Variants in CCDC148 observed in about 807,000 individuals in gnomAD.
CCDC148 encodes the protein coiled-coil domain containing 148, also known as coiled-coil domain-containing protein 148.
Under a neutral mutation model 85.7 loss-of-function variants are expected in CCDC148, and 89 were observed. That is an observed-to-expected ratio of 1.04 (90% CI 0.87 to 1.24). The LOEUF (loss-of-function observed/expected upper bound fraction) is 1.24, where lower values mean the gene tolerates loss of function less well. CCDC148 is among the 50% of genes most tolerant of loss of function. The pLI is 0.00. For synonymous variants in CCDC148, 230 were observed against 213.9 expected, an observed-to-expected ratio of 1.08 and a Z score of -0.66; for missense variants, 692 against 671.7, an observed-to-expected ratio of 1.03 and a Z score of -0.33.
chr2:158,438,853 C>T (rs1687795918), intron 1 of CCDC148, among the ~76,000 whole-genome samples: 1 of 152,156 alleles, frequency 6.6e-6, no homozygotes, highest in African/African-American at 2.4e-5. Context: ...GACATTTATG[C>T]AGCCAACAGA....
At chr2:158,273,920 C>T (rs570908146) in intron 9 of CCDC148, among the ~76,000 whole-genome samples, 62 of 152,264 alleles carry the variant, frequency 4.1e-4, no homozygotes, top group African/African-American at 1.4e-3. Flanking sequence ...CGTCAGCCAC[C>T]GATTCCCCAG....
chr2:158,382,647 A>G (rs1194684473), intron 1 of CCDC148, among the ~76,000 whole-genome samples: 1 of 152,160 alleles, frequency 6.6e-6, no homozygotes, highest in Non-Finnish European at 1.5e-5. Context: ...ACAGTGACTC[A>G]CGCCTGTAAT....
At chr2:158,358,337 A>G in intron 2 of CCDC148, 112 bp downstream of exon 2, 1 of 1,255,302 alleles carries the variant, frequency 8.0e-7, no homozygotes. Flanking sequence ...TCTACTTGGG[A>G]GTTTCTAACA....
chr2:158,282,493 C>A lies in CCDC148; in HGVS notation c.1110+26940G>T, dbSNP rs976556501. On this transcript the variant is annotated intron_variant, in intron 9 of 13. Transcript: ENST00000283233. ...TTCCCATACACCAATAACAGACCAA[C>A]AGAGAGCCAAATCATGAGTGAACTC... Among the ~76,000 whole-genome samples, 9 of 152,246 alleles carry A rather than the reference C, an allele frequency of 5.9e-5. No individual in the cohort carries two copies. The South Asian group carries it at 1.7e-3, about 28-fold the overall frequency.
chr2:158,409,937 A>T (rs576885048), intron 1 of CCDC148, among the ~76,000 whole-genome samples: 14 of 152,040 alleles, frequency 9.2e-5, no homozygotes, highest in African/African-American at 2.9e-4. Flanking sequence ...TTTATAAGAA[A>T]TCCCTTTCAC....
intron 1 of CCDC148, among the ~76,000 whole-genome samples, chr2:158,372,880 A>G (rs1684505464): frequency 6.6e-6 from 1 of 152,060 alleles, no homozygotes; most frequent in African/African-American, 2.4e-5. Context: ...GAGCATTCCC[A>G]AACCATTTGC....
intron 10 of CCDC148, among the ~76,000 whole-genome samples, chr2:158,246,846 C>A (rs1308637516): frequency 1.3e-5 from 2 of 152,170 alleles, no homozygotes; most frequent in Non-Finnish European, 2.9e-5. Flanking sequence ...AGGCTCACGG[C>A]ATAGTGTCCC....
intron 1 of CCDC148, among the ~76,000 whole-genome samples, chr2:158,417,911 C>T (rs1442298100): frequency 2.0e-5 from 3 of 152,086 alleles, no homozygotes; most frequent in Non-Finnish European, 4.4e-5. Flanking sequence ...GGATACTAAG[C>T]CAATTTTTGC....
chr2:158,263,855 AG>A (rs1417142767), intron 9 of CCDC148, among the ~76,000 whole-genome samples: 1 of 151,952 alleles, frequency 6.6e-6, no homozygotes, highest in African/African-American at 2.4e-5. Flanking sequence ...GATGCCTAGC[AG>A]GGGAAGGTGA....
intron 1 of CCDC148, among the ~76,000 whole-genome samples, chr2:158,399,574 CA>C (rs2105304760): frequency 6.6e-6 from 1 of 152,278 alleles, no homozygotes; most frequent in African/African-American, 2.4e-5. Flanking sequence ...CAAAATTCAA[CA>C]GCTTTTCATG....
intron 1 of CCDC148, among the ~76,000 whole-genome samples, chr2:158,390,941 A>C (rs534017389): frequency 6.6e-6 from 1 of 152,186 alleles, no homozygotes; most frequent in Non-Finnish European, 1.5e-5. Flanking sequence ...TCAGAGACTG[A>C]AAACCACTGC....
chr2:158,241,657 T>C (rs1300614277), intron 10 of CCDC148, among the ~76,000 whole-genome samples: 2 of 152,146 alleles, frequency 1.3e-5, no homozygotes, highest in Non-Finnish European at 2.9e-5. Context: ...CACAATCTTA[T>C]TGTGAATGTA....
chr2:158,188,639 C>G (rs1380787902), intron 11 of CCDC148, among the ~76,000 whole-genome samples: 1 of 151,898 alleles, frequency 6.6e-6, no homozygotes, highest in Non-Finnish European at 1.5e-5. Flanking sequence ...CTATAAAACT[C>G]ATAGAAGAAA....
At chr2:158,418,100 T>A (rs549491714) in intron 1 of CCDC148, among the ~76,000 whole-genome samples, 146 of 149,196 alleles carry the variant, frequency 9.8e-4, no homozygotes, top group Non-Finnish European at 1.6e-3. Flanking sequence ...CCTTGAGTGT[T>A]TTTTTTTTTA....
intron 2 of CCDC148, among the ~76,000 whole-genome samples, chr2:158,349,558 T>C (rs1360219929): frequency 6.6e-6 from 1 of 152,038 alleles, no homozygotes; most frequent in Non-Finnish European, 1.5e-5. Flanking sequence ...CTTTGAGTTG[T>C]ATTTAATTTC....
At chr2:158,454,795 G>T (rs767426431) in intron 1 of CCDC148, among the ~76,000 whole-genome samples, 1 of 152,222 alleles carries the variant, frequency 6.6e-6, no homozygotes, top group African/African-American at 2.4e-5. Context: ...GCTTAGTAGC[G>T]CAGGAGCAAG....
chr2:158,345,392 T>C lies in CCDC148; in HGVS notation c.148-74A>G, dbSNP rs138767000. On this transcript the variant is annotated intron_variant, in intron 2 of 13. Transcript: ENST00000283233. The stretch of plus-strand genomic sequence containing the variant: ...TGTTTTTCACAACAGAAATGCTTAA[T>C]CTGAATTTTCTAAGTTAAATAGTTT... 1.4e-4 allele frequency: 134 copies of C among 949,000 alleles called. No homozygotes were observed. The African/African-American group carries it at 2.0e-3, about 14-fold the overall frequency. The allele number at this position is 949,000 out of a possible 1,614,324, so 58.8% of individuals were successfully genotyped here. A position where few individuals can be genotyped will look rare whatever the true frequency, so the allele number is the denominator to read the frequency against.
At chr2:158,399,082 G>A (rs949360070) in intron 1 of CCDC148, among the ~76,000 whole-genome samples, 9 of 152,268 alleles carry the variant, frequency 5.9e-5, no homozygotes, top group African/African-American at 2.2e-4. Context: ...CCTGGAAGAA[G>A]TTGAATCTCT....
At chr2:158,214,139 A>C (rs1395571861) in intron 11 of CCDC148, among the ~76,000 whole-genome samples, 1 of 151,806 alleles carries the variant, frequency 6.6e-6, no homozygotes, top group Non-Finnish European at 1.5e-5. Flanking sequence ...AAAAAAAAAA[A>C]AAAAAGACAA....
Sources: gnomAD v4.1 joint callset for allele counts (sites outside exome capture counted in the v4.1 genomes callset) on GRCh38, gnomAD v4.1.1 for gene constraint, MANE v1.5 for transcripts, NCBI Gene and HGNC (gene_info 2026-07-23, HGNC 2026-07-21) for gene names.